The following LUZP2 variants were observed in gnomAD, a reference collection of about 807,000 sequenced individuals.
LUZP2 encodes the protein leucine zipper protein 2.
In LUZP2, 52 loss-of-function variants were observed where a neutral mutation model predicts 51.6. The observed-to-expected ratio is 1.01, with a 90% CI of 0.81 to 1.27. The LOEUF (loss-of-function observed/expected upper bound fraction) is 1.27, where lower values mean the gene tolerates loss of function less well. Ranked by LOEUF, LUZP2 falls within the 50% of genes most tolerant of loss-of-function variation. The pLI, the probability that LUZP2 is intolerant of heterozygous loss-of-function variation, is 0.00. For synonymous variants in LUZP2, 154 were observed against 137.3 expected, an observed-to-expected ratio of 1.12 and a Z score of -0.85; for missense variants, 436 against 395.4, an observed-to-expected ratio of 1.10 and a Z score of -0.87.
intron 3 of LUZP2, among the ~76,000 whole-genome samples, chr11:24,736,128 C>G (rs978335189): frequency 1.3e-5 from 2 of 151,714 alleles, no homozygotes; most frequent in African/African-American, 4.8e-5. Flanking sequence ...TGTCCTGTTC[C>G]CTAGATTGCC....
At chr11:24,739,887 A>T (rs1453525571) in intron 4 of LUZP2, among the ~76,000 whole-genome samples, 1 of 152,020 alleles carries the variant, frequency 6.6e-6, no homozygotes, top group Non-Finnish European at 1.5e-5. Flanking sequence ...TGCCACGGCA[A>T]CTCTCACTGC....
intron 7 of LUZP2, among the ~76,000 whole-genome samples, chr11:24,931,571 C>G (rs1457638858): frequency 6.6e-6 from 1 of 152,164 alleles, no homozygotes; most frequent in East Asian, 1.9e-4. Context: ...TTCCAGAAGC[C>G]ATGGTTGTTT....
chr11:24,552,835 A>T, intron 1 of LUZP2, among the ~76,000 whole-genome samples: 1 of 151,964 alleles, frequency 6.6e-6, no homozygotes, highest in East Asian at 1.9e-4. Flanking sequence ...AGATTAAAAA[A>T]GTCTTTTATA....
At chr11:25,059,723 A>G (rs1466637695) in intron 10 of LUZP2, among the ~76,000 whole-genome samples, 1 of 152,170 alleles carries the variant, frequency 6.6e-6, no homozygotes, top group Non-Finnish European at 1.5e-5. Flanking sequence ...GTTAAATCAT[A>G]AACACAAAAG....
chr11:24,601,877 C>CATGTATATATGTATATATGTATAT (rs1190079682), intron 1 of LUZP2, among the ~76,000 whole-genome samples: 21 of 50,362 alleles, frequency 4.2e-4, no homozygotes, highest in African/African-American at 1.1e-3. Context: ...TATATGTATA[C>CATGTATATATGTATATATGTATAT]ATGTATATAT....
intron 3 of LUZP2, among the ~76,000 whole-genome samples, chr11:24,736,547 CTT>C (rs1466944731): frequency 6.6e-6 from 1 of 151,038 alleles, no homozygotes; most frequent in Non-Finnish European, 1.5e-5. Flanking sequence ...TATAGTAACT[CTT>C]TATAGTTTGA....
chr11:24,962,394 A>C (rs1855439912), intron 7 of LUZP2, among the ~76,000 whole-genome samples: 1 of 152,152 alleles, frequency 6.6e-6, no homozygotes, highest in African/African-American at 2.4e-5. Context: ...CATCACTTTC[A>C]GGTACACCAA....
In LUZP2 at chr11:24,512,785, T is replaced by C. The variant is rs561073885; in HGVS notation, c.62+15480T>C. Among the ~76,000 whole-genome samples the C allele has an allele frequency of 1.6e-4, 24 of 151,708 alleles. No homozygotes were observed. The South Asian group carries it at 4.0e-3, about 25-fold the overall frequency. On this transcript the variant is annotated intron_variant, in intron 1 of 11. Transcript: ENST00000336930. ...TTTTTTTGGAGATGGAGTCTCACTC[T>C]GTTGCCCAGGCTGGAGTGCAGTGGC...
At chr11:24,665,995 CT>C (rs1856200333) in intron 1 of LUZP2, among the ~76,000 whole-genome samples, 2 of 152,086 alleles carry the variant, frequency 1.3e-5, no homozygotes, top group Non-Finnish European at 2.9e-5. Flanking sequence ...TTAGACAGAT[CT>C]CTGAGTGTAA....
chr11:24,501,965 A>G (rs923746055), intron 1 of LUZP2, among the ~76,000 whole-genome samples: 2 of 152,166 alleles, frequency 1.3e-5, no homozygotes, highest in Non-Finnish European at 2.9e-5. Flanking sequence ...CAACCTCAAT[A>G]TCCTGCCACA....
chr11:24,520,330 CA>C (rs776612580), intron 1 of LUZP2, among the ~76,000 whole-genome samples: 19 of 152,114 alleles, frequency 1.2e-4, no homozygotes, highest in Non-Finnish European at 2.6e-4. Context: ...ACAGGAAAAA[CA>C]GGGAAGGATT....
chr11:24,780,433 A>G (rs1287872404), intron 5 of LUZP2, among the ~76,000 whole-genome samples: 2 of 152,262 alleles, frequency 1.3e-5, no homozygotes, highest in East Asian at 1.9e-4. Context: ...TGTGGAAAAG[A>G]CCTCTTAAAC....
chr11:24,560,778 A>C (rs1187217932), intron 1 of LUZP2, among the ~76,000 whole-genome samples: 2 of 152,214 alleles, frequency 1.3e-5, no homozygotes, highest in Admixed American at 1.3e-4. Flanking sequence ...GTCCTGTTGA[A>C]AAACTGATGA....
intron 5 of LUZP2, among the ~76,000 whole-genome samples, chr11:24,805,012 T>TA (rs1304467695): frequency 1.3e-5 from 2 of 151,240 alleles, no homozygotes; most frequent in African/African-American, 2.4e-5. Context: ...GCTAACTTTT[T>TA]TTTTTTTTTT....
At position 24,996,705 on chromosome 11, in the gene LUZP2, G is replaced by T. The variant is rs535441191; in HGVS notation, c.765+13412G>T. ...ACATATGTATACATGTGCCATGCTG[G>T]TGTGCTGCACCCATTAACTCGTCAT... On this transcript the variant is annotated intron_variant, in intron 9 of 11. Coordinates refer to ENST00000336930, the MANE Select transcript of LUZP2 (RefSeq NM_001009909.4). Among the ~76,000 whole-genome samples, 3 of 151,242 alleles carry T rather than the reference G, an allele frequency of 2.0e-5. No individual in the cohort carries two copies. In the East Asian group the frequency reaches 5.8e-4, roughly 29 times the overall value.
At chr11:24,848,898 G>C (rs1851292879) in intron 5 of LUZP2, among the ~76,000 whole-genome samples, 1 of 152,032 alleles carries the variant, frequency 6.6e-6, no homozygotes, top group Non-Finnish European at 1.5e-5. Context: ...GAGCATAGGA[G>C]CATACCTCAA....
At chr11:24,741,911 A>AT (rs1859165125) in intron 4 of LUZP2, among the ~76,000 whole-genome samples, 1 of 19,498 alleles carries the variant, frequency 5.1e-5, no homozygotes, top group Non-Finnish European at 1.5e-4. Context: ...ATTTCTATAT[A>AT]ATATATACAT....
chr11:24,741,976 T>TTA (rs1211991888), intron 4 of LUZP2, among the ~76,000 whole-genome samples: 1 of 75,358 alleles, frequency 1.3e-5, no homozygotes, highest in Non-Finnish European at 3.2e-5. Flanking sequence ...ATATATACAT[T>TTA]TATATATTAT....
chr11:24,724,856 T>C (rs1303611504), intron 1 of LUZP2, among the ~76,000 whole-genome samples: 1 of 152,160 alleles, frequency 6.6e-6, no homozygotes, highest in Non-Finnish European at 1.5e-5. Context: ...ACAGTAACTT[T>C]AAAGATGACT....
Sources: gnomAD v4.1 joint callset for allele counts (sites outside exome capture counted in the v4.1 genomes callset) on GRCh38, gnomAD v4.1.1 for gene constraint, MANE v1.5 for transcripts, NCBI Gene and HGNC (gene_info 2026-07-23, HGNC 2026-07-21) for gene names.